ZFP82: variants seen among roughly 807,000 people sequenced by gnomAD.
The protein encoded by ZFP82 is zinc finger protein 82 homolog.
ZFP82 carries 30 observed loss-of-function variants against 54.0 expected under a neutral mutation model. The ratio of observed to expected loss-of-function variants is 0.56; its 90% CI spans 0.42 to 0.75. The LOEUF (loss-of-function observed/expected upper bound fraction) is 0.75, where lower values mean the gene tolerates loss of function less well. Among genes scored for constraint, ZFP82 ranks in the 30% least tolerant of loss-of-function variants. ZFP82 has a pLI of 0.00. For missense variants in ZFP82, 500 were observed against 636.8 expected (o/e 0.79, Z 2.31); for synonymous variants, 194 against 209.5 (o/e 0.93, Z 0.64).
At chr19:36,416,486 G>A (rs1194569231) in intron 1 of ZFP82, among the ~76,000 whole-genome samples, 1 of 152,172 alleles carries the variant, frequency 6.6e-6, no homozygotes, top group Non-Finnish European at 1.5e-5. Context: ...GCCGGGCACG[G>A]TGGCTCATGC....
chr19:36,417,072 CAAAAAAAAAAAA>C (rs140495874), intron 1 of ZFP82, among the ~76,000 whole-genome samples: 5 of 65,664 alleles, frequency 7.6e-5, no homozygotes, highest in South Asian at 1.4e-3. Context: ...GACCCTGTCT[CAAAAAAAAAAAA>C]AAAAAAAAAA....
chr19:36,402,738 G>GT lies in ZFP82; in HGVS notation c.229+2841dup, dbSNP rs1600103877. On this transcript the variant is annotated intron_variant, in intron 4 of 4. Coordinates refer to ENST00000392161, the MANE Select transcript of ZFP82 (RefSeq NM_133466.4). ...TGGCCGGGTGCGGTGGCTCACGCCT[G>GT]TAATTCCAGTACTCTGGGAGGCCGA... Among the ~76,000 whole-genome samples, 4 of 152,156 alleles carry GT rather than the reference G, an allele frequency of 2.6e-5. No individual in the cohort carries two copies. In the East Asian group the frequency reaches 7.7e-4, roughly 29 times the overall value.
At chr19:36,410,371 T>C (rs1410931873) in intron 1 of ZFP82, among the ~76,000 whole-genome samples, 3 of 152,210 alleles carry the variant, frequency 2.0e-5, no homozygotes, top group Admixed American at 6.5e-5. Flanking sequence ...ATGCTCTTGG[T>C]CATTTGACAA....
At chr19:36,410,799 C>A (rs556842676) in intron 1 of ZFP82, among the ~76,000 whole-genome samples, 1 of 152,062 alleles carries the variant, frequency 6.6e-6, no homozygotes, top group Non-Finnish European at 1.5e-5. Context: ...CCGCACCCAC[C>A]CGGCCTGTTT....
chr19:36,409,750 A>G, intron 2 of ZFP82, 31 bp downstream of exon 2: 1 of 1,612,530 alleles, frequency 6.2e-7, no homozygotes, highest in Non-Finnish European at 8.5e-7. Context: ...CCTTAACATG[A>G]TAGTATTCCT....
Position 36,392,627 on chromosome 19 carries a change from ACT to A in ZFP82, c.*112_*113del. ...ATGATGGACTACAATACATTGTCAC[ACT>A]CTTTTAATGGTATAAAACCTCTAAT... On this transcript the variant is annotated 3_prime_UTR_variant, in exon 5 of 5. Transcript: ENST00000392161. 1 of 883,520 alleles carries A rather than the reference ACT, an allele frequency of 1.1e-6. No homozygotes were observed. Among genetic ancestry groups the A allele is most frequent in the Non-Finnish European group, 1.6e-6 (1 of 608,734 alleles). 54.7% of individuals were successfully genotyped at this position (883,520 alleles called of 1,614,324 possible). A position where few individuals can be genotyped will look rare whatever the true frequency, so the allele number is the denominator to read the frequency against.
chr19:36,416,981 A>C (rs905269315), intron 1 of ZFP82, among the ~76,000 whole-genome samples: 1 of 149,682 alleles, frequency 6.7e-6, no homozygotes, highest in African/African-American at 2.5e-5. Context: ...GCTGAGGTAT[A>C]AGAATCGCTT....
rs150420249 is a variant in ZFP82 at position 36,401,284 on chromosome 19, C to A, written c.229+4296G>T. Among the ~76,000 whole-genome samples, 438 of 152,282 alleles carry A rather than the reference C, an allele frequency of 2.9e-3. 3 individuals are homozygous for A. The highest frequency in any genetic ancestry group is 0.01 in the African/African-American group (427 of 41,568). On this transcript the variant is annotated intron_variant, in intron 4 of 4. Transcript: ENST00000392161. ...GTAATCGCTCCAAGTTCCAGGTGTACGTATTCAACTGCCTACGCAACATCT... is the reference window on the plus strand; with the variant it reads ...GTAATCGCTCCAAGTTCCAGGTGTAAGTATTCAACTGCCTACGCAACATCT...
In ZFP82 at chr19:36,407,994, T is replaced by C. The variant is rs1568489498; in HGVS notation, c.29A>G (p.Asp10Gly). The C allele has an allele frequency of 6.2e-7, 1 of 1,613,684 alleles. No homozygotes were observed. The highest frequency in any genetic ancestry group is 1.3e-5 in the African/African-American group (1 of 75,038). MALRSVMFS[D>G]VSIDFSPEEW... The stretch of plus-strand genomic sequence containing the variant: ...TTCTGGAGAGAAGTCTATGGATACA[T>C]CACTGAACATCACTGATCGCTGAAA... Residue 10 changes from aspartate to glycine, a missense_variant, in exon 3 of 5, where the codon GAT becomes GGT. Physicochemically the swap from Asp to Gly is moderately conservative, Grantham distance 94 (BLOSUM62 -1). Coordinates refer to ENST00000392161, the MANE Select transcript of ZFP82 (RefSeq NM_133466.4).
At chr19:36,395,759 T>A (rs775117706) in intron 4 of ZFP82, 2 of 151,896 alleles carry the variant, frequency 1.3e-5, no homozygotes, top group African/African-American at 2.4e-5. Flanking sequence ...TATATAGACA[T>A]TTTCTACTAA....
chr19:36,394,146 T>G, intron 4 of ZFP82, 36 bp from the exon 5 acceptor site: 3 of 1,546,824 alleles, frequency 1.9e-6, no homozygotes, highest in Middle Eastern at 1.7e-4. Context: ...CATGCTGTTT[T>G]CTTTTACTAA....
chr19:36,389,308 G>A lies in ZFP82; in HGVS notation c.*3433C>T, dbSNP rs767343705. ...CCACCTTGGCCTCCCAAAGTACTGC[G>A]ATTACAGGCATGAGCCACCACGCCT... On this transcript the variant is annotated 3_prime_UTR_variant, in exon 5 of 5. Transcript: ENST00000392161. Among the ~76,000 whole-genome samples, 21 of 152,044 alleles carry A rather than the reference G, an allele frequency of 1.4e-4. No homozygotes were observed. Among genetic ancestry groups the A allele is most frequent in the Non-Finnish European group, 2.5e-4 (17 of 68,026 alleles).
At position 36,389,335 on chromosome 19, in the gene ZFP82, G is replaced by A. The variant is rs1425177109; in HGVS notation, c.*3406C>T. On this transcript the variant is annotated 3_prime_UTR_variant, in exon 5 of 5. Coordinates refer to ENST00000392161, the MANE Select transcript of ZFP82 (RefSeq NM_133466.4). ...TTACAGGCATGAGCCACCACGCCTG[G>A]CCCAAACTTGATTTTCTACTTTAAA... Among the ~76,000 whole-genome samples the A allele has an allele frequency of 6.6e-6, 1 of 152,000 alleles. No individual in the cohort carries two copies. Among genetic ancestry groups the A allele is most frequent in the Non-Finnish European group, 1.5e-5 (1 of 67,984 alleles).
At chr19:36,405,855 G>GA (rs879432482) in intron 3 of ZFP82, among the ~76,000 whole-genome samples, 183 bp from the exon 4 acceptor site, 7 of 152,244 alleles carry the variant, frequency 4.6e-5, no homozygotes, top group Middle Eastern at 3.4e-3. Flanking sequence ...GAGAGGGAAT[G>GA]AAAAAATCTT....
rs745780992 is a variant in ZFP82 at position 36,393,290 on chromosome 19, T to C, written c.1050A>G (p.Arg350=). ...TTCTCTGATGGAGTGTTAGTTGTTG[T>C]CGCACTCTAAAGGCCTTCCCGCATT... ...CKECGKAFRV[R]QQLTLHQRIH... The change falls in exon 5 of 5, where the codon CGA becomes CGG. Residue 350 remains arginine, a synonymous_variant. Coordinates refer to ENST00000392161, the MANE Select transcript of ZFP82 (RefSeq NM_133466.4). The C allele has an allele frequency of 6.2e-7, 1 of 1,606,064 alleles. No homozygotes were observed. Among genetic ancestry groups the C allele is most frequent in the East Asian group, 2.3e-5 (1 of 44,420 alleles).
rs561407346 is a variant in ZFP82, at chr19:36,415,076, C to A, written c.-79+3416G>T. On this transcript the variant is annotated intron_variant, in intron 1 of 4. Transcript: ENST00000392161. ...CCTCAGGTGATCCGCCCACCTTGGC[C>A]TCCCAAAGTGCTGGAATTACAGGCG... Among the ~76,000 whole-genome samples, 384 of 152,314 alleles carry A rather than the reference C, an allele frequency of 2.5e-3. 2 individuals carry two copies. Among genetic ancestry groups the A allele is most frequent in the South Asian group, 0.016 (75 of 4,826 alleles).
intron 1 of ZFP82, among the ~76,000 whole-genome samples, chr19:36,414,120 T>A (rs2145601610): frequency 6.6e-6 from 1 of 152,104 alleles, no homozygotes; most frequent in East Asian, 1.9e-4. Flanking sequence ...CAACATAGTC[T>A]CGATCTCCTG....
Position 36,393,052 on chromosome 19 carries a change from C to G in ZFP82, c.1288G>C (p.Ala430Pro), listed in dbSNP as rs764849093. Residue 430 changes from alanine to proline, a missense_variant, in exon 5 of 5, where the codon GCC becomes CCC. Coordinates refer to ENST00000392161, the MANE Select transcript of ZFP82 (RefSeq NM_133466.4). Reference protein sequence around the residue: ...KPYDCKECGKAFRLLSQLTQH... With the variant: ...KPYDCKECGKPFRLLSQLTQH... The stretch of plus-strand genomic sequence containing the variant: ...GTGAGTTGTGAAAGTAGTCTGAAGG[C>G]CTTCCCGCATTCCTTACAGTCATAG... 6.2e-7 allele frequency: 1 copy of G among 1,614,152 alleles called. No individual in the cohort carries two copies. Among genetic ancestry groups the G allele is most frequent in the Non-Finnish European group, 8.5e-7 (1 of 1,180,022 alleles).
At chr19:36,407,365 C>T (rs919221800) in intron 3 of ZFP82, among the ~76,000 whole-genome samples, 9 of 152,094 alleles carry the variant, frequency 5.9e-5, no homozygotes, top group African/African-American at 1.4e-4. Context: ...CGTGAGCCAC[C>T]GCGCCCGGCC....
Sources: gnomAD v4.1 joint callset for allele counts (sites outside exome capture counted in the v4.1 genomes callset) on GRCh38, gnomAD v4.1.1 for gene constraint, MANE v1.5 for transcripts, NCBI Gene and HGNC (gene_info 2026-07-23, HGNC 2026-07-21) for gene names.